SYT16: variants seen among roughly 807,000 people sequenced by gnomAD.
SYT16 encodes the protein synaptotagmin 16.
A neutral mutation model predicts 61.4 loss-of-function variants in SYT16; 42 were observed. The ratio of observed to expected loss-of-function variants is 0.68; its 90% CI spans 0.53 to 0.89. SYT16 has a LOEUF of 0.89. Ranked by LOEUF, SYT16 falls within the 40% of genes least tolerant of loss-of-function variation. The pLI is 0.00. For synonymous variants in SYT16, 314 were observed against 302.3 expected (o/e 1.04, Z -0.40); for missense variants, 804 against 807.3 (o/e 1.00, Z 0.05).
intron 1 of SYT16, among the ~76,000 whole-genome samples, chr14:61,929,953 A>G (rs1253692316): frequency 2.0e-5 from 3 of 152,162 alleles, no homozygotes; most frequent in Non-Finnish European, 4.4e-5. Flanking sequence ...TGCTTAGGTC[A>G]CAGAAGTACT....
In SYT16 at chr14:62,007,258, C is replaced by G. The variant is rs543668519; in HGVS notation, c.523+10716C>G. On this transcript the variant is annotated intron_variant, in intron 3 of 7. Transcript: ENST00000683842. ...TTCCACCTTTCCTTCCTTTGCAATA[C>G]TGGAACTTTGCTTTTCCATTGCATA... 3.9e-5 allele frequency among the ~76,000 whole-genome samples: 6 copies of G among 152,244 alleles called. No homozygotes were observed. In the East Asian group the frequency reaches 1.2e-3, roughly 29 times the overall value.
chr14:61,873,648 G>A (rs1040629775), intron 1 of SYT16, among the ~76,000 whole-genome samples: 4 of 152,242 alleles, frequency 2.6e-5, no homozygotes, highest in African/African-American at 9.7e-5. Context: ...AAAGTGGGAA[G>A]AGAATCCATG....
At chr14:61,882,629 A>G (rs145734958) in intron 1 of SYT16, among the ~76,000 whole-genome samples, 1,640 of 152,282 alleles carry the variant, frequency 0.011, 15 homozygotes, top group South Asian at 0.031. Flanking sequence ...ATGTTCTCAC[A>G]TTTCAAAACA....
chr14:62,002,513 T>C (rs2053060948), intron 3 of SYT16, among the ~76,000 whole-genome samples: 1 of 152,178 alleles, frequency 6.6e-6, no homozygotes, highest in East Asian at 1.9e-4. Flanking sequence ...TGTGGTTGAG[T>C]TGGAGGTTGT....
chr14:61,893,728 A>G (rs945214813), intron 1 of SYT16, among the ~76,000 whole-genome samples: 4 of 152,162 alleles, frequency 2.6e-5, no homozygotes, highest in Non-Finnish European at 5.9e-5. Context: ...TTCAGAGCCA[A>G]AGGGAAGTTC....
At chr14:61,835,889 C>T (rs1310147642) in intron 1 of SYT16, among the ~76,000 whole-genome samples, 3 of 152,132 alleles carry the variant, frequency 2.0e-5, no homozygotes, top group Admixed American at 2.0e-4. Context: ...GAAACTTTTC[C>T]TGTCTTTCTC....
intron 3 of SYT16, among the ~76,000 whole-genome samples, chr14:62,053,093 A>G (rs1162039737): frequency 1.3e-5 from 2 of 152,210 alleles, no homozygotes; most frequent in Non-Finnish European, 2.9e-5. Context: ...AGGAACTTTT[A>G]AAAGTGATTC....
rs770860567 is a variant in SYT16 at position 61,995,992 on chromosome 14, G to C, written c.-28G>C. 6.5e-7 allele frequency: 1 copy of C among 1,542,330 alleles called. No individual in the cohort carries two copies. Among genetic ancestry groups the C allele is most frequent in the East Asian group, 2.3e-5 (1 of 44,200 alleles). On this transcript the variant is annotated 5_prime_UTR_variant, in exon 3 of 8. Coordinates refer to ENST00000683842, the MANE Select transcript of SYT16 (RefSeq NM_001367656.1). ...AGAGCACTGAAGGAACTGAACAACT[G>C]GACACTGTAGACATCAGATAGCTGG...
chr14:62,045,319 C>T (rs1413447821), intron 3 of SYT16, among the ~76,000 whole-genome samples: 2 of 152,074 alleles, frequency 1.3e-5, no homozygotes, highest in Non-Finnish European at 2.9e-5. Flanking sequence ...TATAAAAGAG[C>T]AGTCACCTAG....
At chr14:62,056,601 G>T (rs1276699683) in intron 3 of SYT16, among the ~76,000 whole-genome samples, 1 of 152,140 alleles carries the variant, frequency 6.6e-6, no homozygotes. Flanking sequence ...TTGCAGAAAC[G>T]CACGTAGATG....
intron 3 of SYT16, among the ~76,000 whole-genome samples, chr14:62,045,919 G>T (rs553818607): frequency 6.6e-5 from 10 of 152,296 alleles, no homozygotes; most frequent in African/African-American, 2.2e-4. Flanking sequence ...ACATACGTGT[G>T]CCTGTGTCTT....
At chr14:62,054,399 C>CATCCAG (rs369222446) in intron 3 of SYT16, among the ~76,000 whole-genome samples, 89 of 136,516 alleles carry the variant, frequency 6.5e-4, no homozygotes, top group African/African-American at 2.2e-3. Flanking sequence ...CTCACCCTGT[C>CATCCAG]ATCCAGGCTG....
intron 1 of SYT16, 58 bp from the exon 2 acceptor site, chr14:61,970,074 C>G (rs1334685246): frequency 2.0e-5 from 3 of 152,154 alleles, no homozygotes; most frequent in African/African-American, 7.2e-5. Flanking sequence ...TTTGTTAGAA[C>G]TGAAACTTAG....
intron 3 of SYT16, among the ~76,000 whole-genome samples, chr14:62,041,756 G>T (rs946874585): frequency 2.0e-5 from 3 of 151,852 alleles, no homozygotes; most frequent in African/African-American, 7.3e-5. Context: ...TCTCCTTCAG[G>T]GTTTCCCATT....
intron 1 of SYT16, among the ~76,000 whole-genome samples, chr14:61,942,081 T>A (rs1225131155): frequency 6.6e-6 from 1 of 152,260 alleles, no homozygotes; most frequent in Non-Finnish European, 1.5e-5. Flanking sequence ...TTTACAAGTT[T>A]CAGATGTTGG....
chr14:61,835,928 C>T (rs2140243771), intron 1 of SYT16, among the ~76,000 whole-genome samples: 1 of 152,250 alleles, frequency 6.6e-6, no homozygotes, highest in East Asian at 1.9e-4. Context: ...GAGTAAGACC[C>T]ACTCTCGTTG....
chr14:62,070,859 C>G (rs548414190), intron 4 of SYT16, among the ~76,000 whole-genome samples: 2 of 152,142 alleles, frequency 1.3e-5, no homozygotes, highest in Admixed American at 1.3e-4. Context: ...TGTAGATGTT[C>G]CATATTTTCA....
intron 3 of SYT16, among the ~76,000 whole-genome samples, chr14:62,055,745 G>A (rs1305668506): frequency 6.6e-6 from 1 of 152,214 alleles, no homozygotes; most frequent in Non-Finnish European, 1.5e-5. Flanking sequence ...GGGTCCTCTA[G>A]AGGAACAAAG....
chr14:62,074,575 A>G lies in SYT16; in HGVS notation c.737-560A>G, dbSNP rs79063597. Among the ~76,000 whole-genome samples, 10 of 152,286 alleles carry G rather than the reference A, an allele frequency of 6.6e-5. No homozygotes were observed. In the East Asian group the frequency reaches 1.9e-3, roughly 29 times the overall value. On this transcript the variant is annotated intron_variant, in intron 4 of 7. Transcript: ENST00000683842. Reference sequence around the variant, plus strand: ...TCTGATGGCTTTTATCATTTTTTAGATAAAGAAGCAAAGATTCAGAGAATT... The same window carrying G: ...TCTGATGGCTTTTATCATTTTTTAGGTAAAGAAGCAAAGATTCAGAGAATT...
Sources: gnomAD v4.1 joint callset for allele counts (sites outside exome capture counted in the v4.1 genomes callset) on GRCh38, gnomAD v4.1.1 for gene constraint, MANE v1.5 for transcripts, NCBI Gene and HGNC (gene_info 2026-07-23, HGNC 2026-07-21) for gene names.